Variants in PAPSS2 observed in about 807,000 individuals in gnomAD.
PAPSS2 encodes 3'-phosphoadenosine 5'-phosphosulfate synthase 2, also known as bifunctional 3'-phosphoadenosine 5'-phosphosulfate synthase 2.
A neutral mutation model predicts 66.5 loss-of-function variants in PAPSS2; 61 were observed. The ratio of observed to expected loss-of-function variants is 0.92; its 90% CI spans 0.75 to 1.14. The LOEUF (loss-of-function observed/expected upper bound fraction) is 1.14. PAPSS2 is among the 50% of genes most tolerant of loss of function. The pLI, the probability that PAPSS2 is intolerant of heterozygous loss-of-function variation, is 0.00. For missense variants in PAPSS2, 708 were observed against 789.6 expected (o/e 0.90, Z 1.24); for synonymous variants, 289 against 287.5 (o/e 1.01, Z -0.05).
At chr10:87,695,364 C>G (rs1853219299) in intron 1 of PAPSS2, among the ~76,000 whole-genome samples, 2 of 152,180 alleles carry the variant, frequency 1.3e-5, no homozygotes, top group Admixed American at 6.6e-5. Flanking sequence ...AATCCTATCA[C>G]ATTAGGCATT....
intron 1 of PAPSS2, among the ~76,000 whole-genome samples, chr10:87,684,181 T>C (rs1268660159): frequency 6.6e-6 from 1 of 152,268 alleles, no homozygotes; most frequent in Non-Finnish European, 1.5e-5. Flanking sequence ...AGCCAGCCTG[T>C]TGGGTTAATC....
intron 8 of PAPSS2, among the ~76,000 whole-genome samples, chr10:87,725,314 A>C (rs4934363): frequency 0.52 from 79,056 of 151,940 alleles, 21,786 homozygotes; most frequent in East Asian, 0.71. Flanking sequence ...CTTGCTGCTG[A>C]AGATGTAGCT....
chr10:87,724,849 T>TACACACACACACACACACACACACACAC (rs1468115844), intron 8 of PAPSS2, among the ~76,000 whole-genome samples: 5 of 52,080 alleles, frequency 9.6e-5, no homozygotes, highest in Non-Finnish European at 1.6e-4. Flanking sequence ...AATCTCTGTC[T>TACACACACACACACACACACACACACAC]ATACACACAC....
rs538070952 is a variant in PAPSS2, at chr10:87,717,587, G to A, written c.865+1744G>A. Among the ~76,000 whole-genome samples, 17 of 152,184 alleles carry A rather than the reference G, an allele frequency of 1.1e-4. No individual in the cohort carries two copies. The South Asian group carries it at 3.5e-3, about 32-fold the overall frequency. On this transcript the variant is annotated intron_variant, in intron 7 of 12. Coordinates refer to ENST00000456849, the MANE Select transcript of PAPSS2 (RefSeq NM_001015880.2). Reference sequence around the variant, plus strand: ...AATTATTTTTTATTTTTTAGAAATAGGGTCTTGCTCCATCACCCAGGCTAG... The same window carrying A: ...AATTATTTTTTATTTTTTAGAAATAAGGTCTTGCTCCATCACCCAGGCTAG...
At chr10:87,687,950 G>A (rs879564087) in intron 1 of PAPSS2, among the ~76,000 whole-genome samples, 1 of 152,034 alleles carries the variant, frequency 6.6e-6, no homozygotes, top group African/African-American at 2.4e-5. Flanking sequence ...CTGTGCTATT[G>A]GACAATGCCA....
Position 87,715,796 on chromosome 10 carries a change from G to C in PAPSS2, c.818G>C (p.Arg273Pro). The change falls in exon 7 of 13, where the codon CGG (arginine) becomes CCG (proline). Residue 273 changes from arginine to proline, a missense_variant. Coordinates refer to ENST00000456849, the MANE Select transcript of PAPSS2 (RefSeq NM_001015880.2). ...GCCACTCCCCTCAAAGGTTTCATGC[G>C]GGAGAAGGAGTACTTACAGGTTATG... ...GWATPLKGFM[R>P]EKEYLQVMHF... The C allele has an allele frequency of 8.1e-6, 13 of 1,613,400 alleles. No individual in the cohort carries two copies. The highest frequency in any genetic ancestry group is 1.1e-5 in the Non-Finnish European group (13 of 1,179,384).
Position 87,706,102 on chromosome 10 carries a change from A to ATGTGTG in PAPSS2, c.28-3093_28-3092insGTGTGT, listed in dbSNP as rs1305933544. Among the ~76,000 whole-genome samples the ATGTGTG allele has an allele frequency of 7.7e-5, 6 of 78,312 alleles. 1 individual carries two copies. The highest frequency in any genetic ancestry group is 3.8e-4 in the Admixed American group (3 of 7,948). 51.4% of individuals were successfully genotyped at this position (78,312 alleles called of 152,430 possible). ...TCACATGGTATATATATATATATATATATATATGTGTGTGTGTGTGTGTGT... is the reference window on the plus strand; with the variant it reads ...TCACATGGTATATATATATATATATATGTGTGTATATATGTGTGTGTGTGTGTGTGT... On this transcript the variant is annotated intron_variant, in intron 1 of 12. Transcript: ENST00000456849.
intron 1 of PAPSS2, among the ~76,000 whole-genome samples, chr10:87,697,504 C>G (rs907326863): frequency 1.3e-5 from 2 of 152,154 alleles, no homozygotes; most frequent in East Asian, 3.8e-4. Flanking sequence ...GAGTGAGGAG[C>G]TGTCGTCAGG....
chr10:87,729,727 T>C (rs1853705190), intron 9 of PAPSS2, among the ~76,000 whole-genome samples: 1 of 152,194 alleles, frequency 6.6e-6, no homozygotes, highest in South Asian at 2.1e-4. Flanking sequence ...CCAGGTGCAG[T>C]GGCTCACACT....
intron 3 of PAPSS2, among the ~76,000 whole-genome samples, 196 bp from the exon 4 acceptor site, chr10:87,713,848 C>T (rs1158570333): frequency 6.6e-6 from 1 of 152,118 alleles, no homozygotes; most frequent in African/African-American, 2.4e-5. Flanking sequence ...GGCCTATTTT[C>T]CATGATTTTC....
chr10:87,723,798 G>A (rs1012647122), intron 8 of PAPSS2, among the ~76,000 whole-genome samples: 1 of 152,146 alleles, frequency 6.6e-6, no homozygotes, highest in Non-Finnish European at 1.5e-5. Context: ...CTTATGCCCC[G>A]AAGGAATAGA....
chr10:87,682,675 G>T (rs1202914724), intron 1 of PAPSS2, among the ~76,000 whole-genome samples: 1 of 152,186 alleles, frequency 6.6e-6, no homozygotes, highest in African/African-American at 2.4e-5. Context: ...TGCATCAAAT[G>T]AAGATGCTGC....
In PAPSS2 at chr10:87,667,315, G is replaced by A. The variant is rs527455574; in HGVS notation, c.27+7307G>A. ...CAAAAATGCAAAAAATTAGCCAAGT[G>A]TGGTGGCGCGGGCCTGTAGTCCCAG... On this transcript the variant is annotated intron_variant, in intron 1 of 12. Coordinates refer to ENST00000456849, the MANE Select transcript of PAPSS2 (RefSeq NM_001015880.2). Among the ~76,000 whole-genome samples the A allele has an allele frequency of 2.6e-5, 4 of 152,204 alleles. No homozygotes were observed. In the East Asian group the frequency reaches 7.7e-4, roughly 29 times the overall value.
At chr10:87,682,601 G>GA (rs371070583) in intron 1 of PAPSS2, among the ~76,000 whole-genome samples, 83 of 149,432 alleles carry the variant, frequency 5.6e-4, no homozygotes, top group East Asian at 1.6e-3. Context: ...AAAGAGGTTA[G>GA]AAAAAAAAAA....
intron 9 of PAPSS2, among the ~76,000 whole-genome samples, chr10:87,729,668 A>G (rs1302316570): frequency 1.3e-5 from 2 of 152,196 alleles, no homozygotes; most frequent in African/African-American, 2.4e-5. Context: ...ACTTTAAATC[A>G]AAATGATTGA....
chr10:87,745,343 G>A, intron 12 of PAPSS2, 112 bp downstream of exon 12: 1 of 827,764 alleles, frequency 1.2e-6, no homozygotes, highest in Non-Finnish European at 2.0e-6. Flanking sequence ...CTCCCAAGTG[G>A]ACTGAGTCCC....
chr10:87,681,203 T>C (rs554432655), intron 1 of PAPSS2, among the ~76,000 whole-genome samples: 1 of 152,220 alleles, frequency 6.6e-6, no homozygotes, highest in Non-Finnish European at 1.5e-5. Flanking sequence ...GTACATAGCG[T>C]TGGATCGTGT....
At chr10:87,668,925 CA>C (rs1178109978) in intron 1 of PAPSS2, among the ~76,000 whole-genome samples, 2 of 152,128 alleles carry the variant, frequency 1.3e-5, no homozygotes, top group Non-Finnish European at 2.9e-5. Context: ...CTATTTTCTA[CA>C]GCTTTATTTC....
intron 1 of PAPSS2, among the ~76,000 whole-genome samples, chr10:87,674,736 T>C (rs1203518890): frequency 6.6e-6 from 1 of 152,254 alleles, no homozygotes; most frequent in East Asian, 1.9e-4. Flanking sequence ...CAGATAGTTC[T>C]TGTTATTTAA....
Sources: allele counts gnomAD v4.1 joint callset (sites outside exome capture counted in the v4.1 genomes callset), GRCh38; gene constraint gnomAD v4.1.1; transcripts MANE v1.5; gene names NCBI Gene and HGNC (gene_info 2026-07-23, HGNC 2026-07-21).